The following ATP11A variants were observed in gnomAD, a reference collection of about 807,000 sequenced individuals.
ATP11A encodes the protein phospholipid-transporting ATPase IH.
Under a neutral mutation model 154.4 loss-of-function variants are expected in ATP11A, and 81 were observed. The observed-to-expected ratio is 0.52, with a 90% CI of 0.44 to 0.63. ATP11A has a LOEUF of 0.63. ATP11A is among the 30% of genes least tolerant of loss of function. The probability of loss-of-function intolerance (pLI) is 0.00; values close to 1 mark genes in which losing one functional copy is unlikely to be tolerated. For missense variants in ATP11A, 1,316 were observed against 1,474.3 expected (o/e 0.89, Z 1.76); for synonymous variants, 623 against 585.9 (o/e 1.06, Z -0.91).
chr13:112,710,007 C>T (rs1404361544), intron 1 of ATP11A, among the ~76,000 whole-genome samples: 1 of 152,256 alleles, frequency 6.6e-6, no homozygotes, highest in Non-Finnish European at 1.5e-5. Context: ...AGGGTCTCAA[C>T]AGCACAGGTC....
rs1033141003 is a variant in ATP11A at position 112,754,252 on chromosome 13, C to A, written c.40-30883C>A. On this transcript the variant is annotated intron_variant, in intron 1 of 29. Transcript: ENST00000375645. This position sits in a 1 kb window ranked among gnomAD's most constrained non-coding sequence, Gnocchi z 5.3. ...AATAACAGGGCCGGGTTCTCACTGG[C>A]GGGACTGTTCACCTCTGCAATCTGC... is the stretch of plus-strand genomic sequence containing the variant. Among the ~76,000 whole-genome samples, 3 of 152,194 alleles carry A rather than the reference C, an allele frequency of 2.0e-5. No individual in the cohort carries two copies. The highest frequency in any genetic ancestry group is 7.2e-5 in the African/African-American group (3 of 41,448).
chr13:112,710,894 T>C lies in ATP11A; in HGVS notation c.39+20439T>C, dbSNP rs561309859. 1.2e-3 allele frequency among the ~76,000 whole-genome samples: 185 copies of C among 151,978 alleles called. 1 individual carries two copies. The highest frequency in any genetic ancestry group is 4.1e-3 in the African/African-American group (172 of 41,558). On this transcript the variant is annotated intron_variant, in intron 1 of 29. Coordinates refer to ENST00000375645, the MANE Select transcript of ATP11A (RefSeq NM_015205.3). ...CTGGGGCTCTCCCAGCCCCGCGTCATGTGAGGGGGCACTAGTCACAGTGCG... is the reference window on the plus strand; with the variant it reads ...CTGGGGCTCTCCCAGCCCCGCGTCACGTGAGGGGGCACTAGTCACAGTGCG...
intron 5 of ATP11A, among the ~76,000 whole-genome samples, chr13:112,814,054 C>CT (rs1257222718): frequency 2.7e-5 from 4 of 149,582 alleles, no homozygotes; most frequent in Non-Finnish European, 4.5e-5. Flanking sequence ...TTTTTTTTTT[C>CT]TTTTTTTTAA....
At chr13:112,770,370 G>C (rs1180201762) in intron 1 of ATP11A, among the ~76,000 whole-genome samples, 1 of 152,200 alleles carries the variant, frequency 6.6e-6, no homozygotes, top group Non-Finnish European at 1.5e-5. Flanking sequence ...GAATGCCACT[G>C]AGAGCCTTGA....
chr13:112,813,828 C>T (rs2140173943), intron 5 of ATP11A, among the ~76,000 whole-genome samples: 1 of 152,124 alleles, frequency 6.6e-6, no homozygotes, highest in East Asian at 1.9e-4. Context: ...TCTTTTCACG[C>T]TCGTTTGACA....
chr13:112,810,549 C>A (rs2078461427), intron 4 of ATP11A, 70 bp from the exon 5 acceptor site: 3 of 1,268,730 alleles, frequency 2.4e-6, no homozygotes, highest in Admixed American at 3.4e-5. Context: ...AGCCTTCTGT[C>A]TCTCCCTCCC....
intron 5 of ATP11A, among the ~76,000 whole-genome samples, chr13:112,813,415 G>A (rs1033951396): frequency 1.3e-5 from 2 of 152,256 alleles, no homozygotes; most frequent in East Asian, 1.9e-4. Context: ...TAATTCCCTC[G>A]GGATTCACGA....
intron 25 of ATP11A, among the ~76,000 whole-genome samples, chr13:112,863,561 CA>C (rs1375443099): frequency 1.3e-5 from 2 of 150,684 alleles, no homozygotes; most frequent in Non-Finnish European, 3.0e-5. Flanking sequence ...CGGGATCCAT[CA>C]CCACATGGGC....
intron 1 of ATP11A, among the ~76,000 whole-genome samples, chr13:112,710,086 G>C (rs1887570503): frequency 6.6e-6 from 1 of 152,212 alleles, no homozygotes; most frequent in South Asian, 2.1e-4. Flanking sequence ...GTGACACCCG[G>C]GTGTCAGGCG....
rs2080035993 is a variant in ATP11A, at chr13:112,859,463, G to C, written c.2727+11G>C. On this transcript the variant is annotated intron_variant, in intron 23 of 29. Transcript: ENST00000375645. The surrounding 1 kb of genome is among the most constrained non-coding windows in gnomAD (Gnocchi z 4.3). ...GGGTTTTCACAACAGGTCAGTCCTAGGGTCTTCAGGGACAGGCTGTCTGAG... is the reference window on the plus strand; with the variant it reads ...GGGTTTTCACAACAGGTCAGTCCTACGGTCTTCAGGGACAGGCTGTCTGAG... The C allele has an allele frequency of 5.0e-6, 8 of 1,608,854 alleles. No individual in the cohort carries two copies. Among genetic ancestry groups the C allele is most frequent in the Non-Finnish European group, 6.8e-6 (8 of 1,175,342 alleles).
intron 1 of ATP11A, among the ~76,000 whole-genome samples, chr13:112,763,796 C>A (rs1031765122): frequency 6.6e-6 from 1 of 152,180 alleles, no homozygotes; most frequent in African/African-American, 2.4e-5. Flanking sequence ...GAGGCTCCCC[C>A]ACCCCCTGCT....
chr13:112,783,649 T>G (rs1301884073), intron 1 of ATP11A, among the ~76,000 whole-genome samples: 1 of 152,224 alleles, frequency 6.6e-6, no homozygotes, highest in African/African-American at 2.4e-5. Flanking sequence ...GAAAGGCTGA[T>G]GTCTTGCAGT....
intron 29 of ATP11A, chr13:112,880,411 A>G (rs1021087423): frequency 7.5e-5 from 51 of 681,110 alleles, no homozygotes; most frequent in Non-Finnish European, 9.4e-5. Flanking sequence ...CAGCTCCATG[A>G]CACCCCATGC....
At chr13:112,692,348 G>A (rs1268227638) in intron 1 of ATP11A, among the ~76,000 whole-genome samples, 1 of 152,196 alleles carries the variant, frequency 6.6e-6, no homozygotes, top group Non-Finnish European at 1.5e-5. Context: ...ATGAGAGATG[G>A]ATGGGCCAGC....
intron 18 of ATP11A, among the ~76,000 whole-genome samples, chr13:112,853,095 C>T (rs1167628928): frequency 6.6e-6 from 1 of 152,048 alleles, no homozygotes; most frequent in Non-Finnish European, 1.5e-5. Context: ...TAGCAGGCAC[C>T]TGTTGTCCTA....
intron 1 of ATP11A, among the ~76,000 whole-genome samples, chr13:112,712,361 C>T (rs1037065014): frequency 7.2e-5 from 11 of 152,196 alleles, no homozygotes; most frequent in Non-Finnish European, 1.6e-4. Flanking sequence ...CTCCAGCAGC[C>T]TTGGAGCTAG....
intron 25 of ATP11A, 24 bp downstream of exon 25, chr13:112,862,599 T>G (rs1434933649): frequency 1.2e-6 from 2 of 1,613,870 alleles, no homozygotes; most frequent in South Asian, 2.2e-5. Flanking sequence ...TCGATTGCGC[T>G]GACTTAGCTG....
chr13:112,790,220 G>A (rs1271992087), intron 2 of ATP11A, among the ~76,000 whole-genome samples: 4 of 151,136 alleles, frequency 2.6e-5, no homozygotes, highest in Non-Finnish European at 5.9e-5. Context: ...GTCCTGATAT[G>A]TAGATCCCTG....
intron 1 of ATP11A, among the ~76,000 whole-genome samples, chr13:112,730,143 G>A (rs1890337380): frequency 6.6e-6 from 1 of 152,188 alleles, no homozygotes; most frequent in Non-Finnish European, 1.5e-5. Flanking sequence ...ATAGACCACG[G>A]ACCACATGGG....
Sources: gnomAD v4.1 joint callset for allele counts (sites outside exome capture counted in the v4.1 genomes callset) on GRCh38, gnomAD v4.1.1 for gene constraint, Gnocchi (gnomAD v3.1) non-coding constraint, MANE v1.5 for transcripts, NCBI Gene and HGNC (gene_info 2026-07-23, HGNC 2026-07-21) for gene names.